CLTC: variants seen among roughly 807,000 people sequenced by gnomAD.
CLTC encodes the protein clathrin heavy chain 1.
A neutral mutation model predicts 195.8 loss-of-function variants in CLTC; 16 were observed. That is an observed-to-expected ratio of 0.08 (90% CI 0.06 to 0.12). The LOEUF is 0.12. Among genes scored for constraint, CLTC ranks in the 10% least tolerant of loss-of-function variants. The probability of loss-of-function intolerance (pLI) is 1.00; values close to 1 mark genes in which losing one functional copy is unlikely to be tolerated. For missense variants in CLTC, 796 were observed against 2,027.0 expected (o/e 0.39, Z 11.66); for synonymous variants, 667 against 689.4 (o/e 0.97, Z 0.51).
intron 1 of CLTC, among the ~76,000 whole-genome samples, chr17:59,626,347 C>G (rs547986723): frequency 5.3e-5 from 8 of 152,088 alleles, no homozygotes; most frequent in Admixed American, 3.9e-4. Flanking sequence ...AACTGCCCCC[C>G]AAAAAGAAAC....
chr17:59,682,819 A>C lies in CLTC; in HGVS notation c.3765+26A>C, dbSNP rs1264794391. ...GTAATCTAAACCCAAGTTTGAGTGA[A>C]GAATTAAAGAAACGCTATTTAAACA... On this transcript the variant is annotated intron_variant, in intron 23 of 31. Transcript: ENST00000269122. The surrounding 1 kb of genome is among the most constrained non-coding windows in gnomAD (Gnocchi z 6.8). The C allele has an allele frequency of 2.5e-6, 4 of 1,611,442 alleles. No homozygotes were observed. The highest frequency in any genetic ancestry group is 2.5e-6 in the Non-Finnish European group (3 of 1,178,526).
At chr17:59,675,447 G>A (rs1348179581) in intron 16 of CLTC, among the ~76,000 whole-genome samples, 1 of 150,890 alleles carries the variant, frequency 6.6e-6, no homozygotes, top group African/African-American at 2.5e-5. Flanking sequence ...GTTTGGTGAG[G>A]TGGTATGCTA....
At chr17:59,621,540 T>G (rs942222166) in intron 1 of CLTC, among the ~76,000 whole-genome samples, 2 of 152,252 alleles carry the variant, frequency 1.3e-5, no homozygotes, top group African/African-American at 4.8e-5. Context: ...TTCATATTTC[T>G]TTGCAAGTAT....
At chr17:59,657,660 C>T (rs573263778) in intron 6 of CLTC, among the ~76,000 whole-genome samples, 7 of 150,246 alleles carry the variant, frequency 4.7e-5, no homozygotes, top group African/African-American at 1.7e-4. Flanking sequence ...GCTAGCTACT[C>T]GGGAGGCTGA....
At chr17:59,633,391 G>A (rs540802834) in intron 1 of CLTC, among the ~76,000 whole-genome samples, 1 of 152,250 alleles carries the variant, frequency 6.6e-6, no homozygotes, top group African/African-American at 2.4e-5. Flanking sequence ...TACTCAGGAG[G>A]TTGAGGCAGG....
In CLTC at chr17:59,695,576, A is replaced by AATC; in HGVS notation, c.*1726_*1728dup. 1 of 178,978 alleles carries AATC rather than the reference A, an allele frequency of 5.6e-6. No homozygotes were observed. Among genetic ancestry groups the AATC allele is most frequent in the Non-Finnish European group, 1.2e-5 (1 of 83,496 alleles). The allele number at this position is 178,978 out of a possible 1,614,324, so 11.1% of individuals were successfully genotyped here. ...AGGAGGCAGGAGGCTGAGGCATGAGAATCACTTGAACCTGTGAGGCAAAGG... is the reference window on the plus strand; with the variant it reads ...AGGAGGCAGGAGGCTGAGGCATGAGAATCATCACTTGAACCTGTGAGGCAAAGG... On this transcript the variant is annotated 3_prime_UTR_variant, in exon 32 of 32. Transcript: ENST00000269122.
chr17:59,621,382 A>G (rs1032408313), intron 1 of CLTC, among the ~76,000 whole-genome samples: 11 of 152,258 alleles, frequency 7.2e-5, no homozygotes, highest in Admixed American at 1.3e-4. Flanking sequence ...CAGGGAATGC[A>G]GTGGTTTGAC....
At position 59,685,432 on chromosome 17, in the gene CLTC, C is replaced by T. The variant is rs2033164117; in HGVS notation, c.4606-155C>T. Reference sequence around the variant, plus strand: ...GGAAAAAAAAGCTTTTAGCTTATCTCTTCTTTGAAAATTTTAATTTAAATG... The same window carrying T: ...GGAAAAAAAAGCTTTTAGCTTATCTTTTCTTTGAAAATTTTAATTTAAATG... On this transcript the variant is annotated intron_variant, in intron 29 of 31. Transcript: ENST00000269122. The surrounding 1 kb of genome is among the most constrained non-coding windows in gnomAD (Gnocchi z 5.0). 6.6e-6 allele frequency among the ~76,000 whole-genome samples: 1 copy of T among 152,124 alleles called. No individual in the cohort carries two copies. The highest frequency in any genetic ancestry group is 6.5e-5 in the Admixed American group (1 of 15,268).
At chr17:59,633,392 T>C (rs578067473) in intron 1 of CLTC, among the ~76,000 whole-genome samples, 223 of 151,986 alleles carry the variant, frequency 1.5e-3, no homozygotes, top group Non-Finnish European at 2.7e-3. Context: ...ACTCAGGAGG[T>C]TGAGGCAGGA....
chr17:59,632,261 G>A (rs2031743385), intron 1 of CLTC, among the ~76,000 whole-genome samples: 2 of 151,836 alleles, frequency 1.3e-5, no homozygotes, highest in South Asian at 4.1e-4. Context: ...CCAGCTACTC[G>A]GGAGGCTGAG....
chr17:59,671,091 C>T (rs1235169731), intron 14 of CLTC: 2 of 152,106 alleles, frequency 1.3e-5, no homozygotes, highest in Non-Finnish European at 2.9e-5. Context: ...AAGTGATAAG[C>T]CTTGGAAAAA....
In CLTC at chr17:59,661,590, G is replaced by A; in HGVS notation, c.1315G>A (p.Val439Ile). 1 of 1,614,064 alleles carries A rather than the reference G, an allele frequency of 6.2e-7. No individual in the cohort carries two copies. The highest frequency in any genetic ancestry group is 1.3e-5 in the African/African-American group (1 of 75,008). ...CGAATCCTTAGAGCTTTGTAGGCCT[G>A]TACTTCAGCAAGGGCGAAAACAGCT... The part of the protein sequence containing the change: ...KYESLELCRP[V>I]LQQGRKQLLE... The change falls in exon 8 of 32, where the codon GTA becomes ATA. Residue 439 changes from valine to isoleucine, a missense_variant. Val to Ile is a conservative substitution (Grantham distance 29). Around this residue, in one of 9 missense-constraint regions of CLTC, gnomAD observed 293 missense variants for 795.6 expected, o/e 0.37. Transcript: ENST00000269122.
Position 59,620,180 on chromosome 17 carries a change from C to G in CLTC, c.42+7C>G. ...TTTTCAGGAGCATCTCCAGGTGCGG[C>G]CGGGCCCGGGCTGGTGAGGGCTGTG... On this transcript the variant is annotated splice_region_variant and intron_variant, in intron 1 of 31. Coordinates refer to ENST00000269122, the MANE Select transcript of CLTC (RefSeq NM_004859.4). 1 of 1,613,968 alleles carries G rather than the reference C, an allele frequency of 6.2e-7. No homozygotes were observed. Among genetic ancestry groups the G allele is most frequent in the Non-Finnish European group, 8.5e-7 (1 of 1,179,934 alleles).
chr17:59,646,080 G>T lies in CLTC; in HGVS notation c.251-1318G>T, dbSNP rs1352573559. On this transcript the variant is annotated intron_variant, in intron 2 of 31. Coordinates refer to ENST00000269122, the MANE Select transcript of CLTC (RefSeq NM_004859.4). ...TCCTGTTCTATAAAAAGAATAAATTGAAAAGATTTTCGGAGCATTGTACAA... is the reference window on the plus strand; with the variant it reads ...TCCTGTTCTATAAAAAGAATAAATTTAAAAGATTTTCGGAGCATTGTACAA... 8.0e-6 allele frequency: 5 copies of T among 624,246 alleles called. No individual in the cohort carries two copies. The Admixed American group carries it at 2.5e-4, about 32-fold the overall frequency. The allele number at this position is 624,246 out of a possible 1,614,324, so 38.7% of individuals were successfully genotyped here. A position where few individuals can be genotyped will look rare whatever the true frequency, so the allele number is the denominator to read the frequency against.
At chr17:59,650,743 C>G (rs1012181121) in intron 4 of CLTC, among the ~76,000 whole-genome samples, 2 of 152,062 alleles carry the variant, frequency 1.3e-5, no homozygotes, top group Non-Finnish European at 2.9e-5. Flanking sequence ...TCTTACACAG[C>G]TGTAGTACAG....
chr17:59,689,823 A>G (rs1338388442), intron 30 of CLTC: 1 of 152,154 alleles, frequency 6.6e-6, no homozygotes, highest in Non-Finnish European at 1.5e-5. Flanking sequence ...TTATATAGGA[A>G]AGGAAATTTG....
intron 13 of CLTC, 196 bp downstream of exon 13, chr17:59,667,173 T>C (rs766481185): frequency 9.4e-5 from 37 of 392,850 alleles, no homozygotes; most frequent in Non-Finnish European, 1.6e-4. Flanking sequence ...AACCAGACCA[T>C]CTGTTTGGAT....
intron 1 of CLTC, among the ~76,000 whole-genome samples, chr17:59,621,188 C>T (rs2031366675): frequency 6.6e-6 from 1 of 152,236 alleles, no homozygotes; most frequent in African/African-American, 2.4e-5. Flanking sequence ...CGGGCCTAGG[C>T]AGGTGACCAT....
At chr17:59,692,007 G>A (rs1273672292) in intron 31 of CLTC, among the ~76,000 whole-genome samples, 2 of 152,140 alleles carry the variant, frequency 1.3e-5, no homozygotes, top group African/African-American at 4.8e-5. Flanking sequence ...ATCAAGATTA[G>A]GGATGACTTT....
Sources: gnomAD v4.1 joint callset for allele counts (sites outside exome capture counted in the v4.1 genomes callset) on GRCh38, gnomAD v4.1.1 for gene constraint, gnomAD v4.1.1 regional missense constraint, Gnocchi (gnomAD v3.1) non-coding constraint, MANE v1.5 for transcripts, NCBI Gene and HGNC (gene_info 2026-07-23, HGNC 2026-07-21) for gene names.